Variants in GLS2 observed in about 807,000 individuals in gnomAD.
GLS2 encodes the protein glutaminase 2.
GLS2 carries 52 observed loss-of-function variants against 79.0 expected under a neutral mutation model. The observed-to-expected ratio is 0.66, with a 90% CI of 0.53 to 0.83. The LOEUF (loss-of-function observed/expected upper bound fraction) is 0.83, where lower values mean the gene tolerates loss of function less well. GLS2 is among the 40% of genes least tolerant of loss of function. GLS2 has a pLI of 0.00. For synonymous variants in GLS2, 238 were observed against 280.8 expected (o/e 0.85, Z 1.52); for missense variants, 561 against 764.8 (o/e 0.73, Z 3.14).
chr12:56,472,519 G>GTT, intron 15 of GLS2, 171 bp downstream of exon 15: 1 of 635,536 alleles, frequency 1.6e-6, no homozygotes, highest in South Asian at 2.0e-5. Flanking sequence ...AGAGCAGACA[G>GTT]TTTACTTTTT....
At chr12:56,473,187 C>T (rs1869469534) in intron 14 of GLS2, 41 bp downstream of exon 14, 1 of 1,584,360 alleles carries the variant, frequency 6.3e-7, no homozygotes, top group South Asian at 1.1e-5. Context: ...CCGCACCTGG[C>T]CTTTGAAATA....
intron 16 of GLS2, 121 bp downstream of exon 16, chr12:56,471,998 G>A: frequency 7.7e-7 from 1 of 1,294,304 alleles, no homozygotes; most frequent in Non-Finnish European, 1.1e-6. Flanking sequence ...ACCGAAGGGT[G>A]TCTAGATAAA....
In GLS2 at chr12:56,478,099, G is replaced by A. The variant is rs182943399; in HGVS notation, c.615-3C>T. ...TCTTTGTGTGGCCCACAGAGTGCCTGGAGGCAGACAGATGCCATGAAAGGG... is the reference window on the plus strand; with the variant it reads ...TCTTTGTGTGGCCCACAGAGTGCCTAGAGGCAGACAGATGCCATGAAAGGG... On this transcript the variant is annotated splice_polypyrimidine_tract_variant and splice_region_variant and intron_variant, in intron 5 of 17. Transcript: ENST00000311966. The A allele has an allele frequency of 2.5e-6, 4 of 1,614,040 alleles. No homozygotes were observed. Among genetic ancestry groups the A allele is most frequent in the East Asian group, 4.5e-5 (2 of 44,872 alleles).
At chr12:56,481,150 G>T (rs1870253775) in intron 1 of GLS2, among the ~76,000 whole-genome samples, 1 of 146,782 alleles carries the variant, frequency 6.8e-6, no homozygotes. Context: ...TTTTGAGACA[G>T]AGTTTTGCTC....
intron 1 of GLS2, among the ~76,000 whole-genome samples, chr12:56,481,359 C>T (rs1870280860): frequency 6.6e-6 from 1 of 151,644 alleles, no homozygotes; most frequent in African/African-American, 2.4e-5. Context: ...GTGTGCACCA[C>T]CACGCCTGGC....
intron 11 of GLS2, 58 bp from the exon 12 acceptor site, chr12:56,474,778 G>A: frequency 6.2e-7 from 1 of 1,612,868 alleles, no homozygotes; most frequent in Non-Finnish European, 8.5e-7. Flanking sequence ...GGACCCTCGG[G>A]TGTAGGGAAA....
At chr12:56,479,465 A>G in intron 3 of GLS2, 1 of 390,450 alleles carries the variant, frequency 2.6e-6, no homozygotes. Flanking sequence ...AAAAAATCCT[A>G]AATCATAAAA....
intron 1 of GLS2, chr12:56,487,587 A>G: frequency 2.8e-6 from 1 of 353,714 alleles, no homozygotes; most frequent in Non-Finnish European, 5.2e-6. Flanking sequence ...CTCCTAAAAT[A>G]CACACGAGGA....
chr12:56,479,011 G>C, intron 4 of GLS2, 41 bp downstream of exon 4: 1 of 1,550,156 alleles, frequency 6.5e-7, no homozygotes, highest in Middle Eastern at 2.0e-4. Flanking sequence ...AAAAAATCTG[G>C]CCCAGGTCCC....
chr12:56,487,806 A>C lies in GLS2; in HGVS notation c.182+131T>G, dbSNP rs1870808566. The C allele has an allele frequency of 3.6e-6, 4 of 1,101,692 alleles. No individual in the cohort carries two copies. In the East Asian group the frequency reaches 1.1e-4, roughly 31 times the overall value. 68.2% of individuals were successfully genotyped at this position (1,101,692 alleles called of 1,614,324 possible). The stretch of plus-strand genomic sequence containing the variant: ...CCCAAAGCCCCACATCCAAAGGAAA[A>C]GGCACCGAGGGCTAGTGAGCGAGGA... On this transcript the variant is annotated intron_variant, in intron 1 of 17. Transcript: ENST00000311966.
intron 1 of GLS2, among the ~76,000 whole-genome samples, chr12:56,484,376 T>C (rs1179228836): frequency 6.6e-6 from 1 of 152,228 alleles, no homozygotes; most frequent in Non-Finnish European, 1.5e-5. Flanking sequence ...ATCTTTTGTA[T>C]ATTTTGAATT....
chr12:56,488,029 G>T lies in GLS2; in HGVS notation c.90C>A (p.Pro30=), dbSNP rs1277520436. 3 of 1,595,340 alleles carry T rather than the reference G, an allele frequency of 1.9e-6. No individual in the cohort carries two copies. The highest frequency in any genetic ancestry group is 2.5e-6 in the Non-Finnish European group (3 of 1,177,334). ...GGTGCCGGACGCCCCCGCCAAGGAGGGGGCTCCGGCTCGGGTGACCCCAGC... is the reference window on the plus strand; with the variant it reads ...GGTGCCGGACGCCCCCGCCAAGGAGTGGGCTCCGGCTCGGGTGACCCCAGC... The part of the protein sequence containing the change: ...RGGWGHPSRS[P]LLGGGVRHHL... Residue 30 remains proline, a synonymous_variant, in exon 1 of 18, where the codon CCC becomes CCA. Transcript: ENST00000311966.
At position 56,479,963 on chromosome 12, in the gene GLS2, T is replaced by C. The variant is rs1262733812; in HGVS notation, c.283-62A>G. The C allele has an allele frequency of 2.5e-6, 4 of 1,571,674 alleles. No individual in the cohort carries two copies. In the African/African-American group the frequency reaches 5.4e-5, roughly 21 times the overall value. On this transcript the variant is annotated intron_variant, in intron 2 of 17. Transcript: ENST00000311966. ...AAGGACAGTGATGTACTCCTCATAA[T>C]CTTTCCCACTGGATACCCAATTAGC...
rs569667879 is a variant in GLS2, at chr12:56,478,721, G to A, written c.534+331C>T. Reference sequence around the variant, plus strand: ...TGAGAAGCGAGGTATATCTAGGTGTGGTGGCTCATGCCTGTAATCCCAGCA... The same window carrying A: ...TGAGAAGCGAGGTATATCTAGGTGTAGTGGCTCATGCCTGTAATCCCAGCA... On this transcript the variant is annotated intron_variant, in intron 4 of 17. Transcript: ENST00000311966. 78 of 275,858 alleles carry A rather than the reference G, an allele frequency of 2.8e-4. 3 individuals carry two copies. The highest frequency in any genetic ancestry group is 1.9e-3 in the South Asian group (40 of 20,892). The allele number at this position is 275,858 out of a possible 1,614,324, so 17.1% of individuals were successfully genotyped here.
At chr12:56,478,443 CTT>C in intron 4 of GLS2, 181 bp from the exon 5 acceptor site, 1 of 615,308 alleles carries the variant, frequency 1.6e-6, no homozygotes, top group East Asian at 2.8e-5. Context: ...AAGGCCATAT[CTT>C]TGTGTATCCG....
intron 1 of GLS2, among the ~76,000 whole-genome samples, chr12:56,482,355 C>A (rs770521873): frequency 1.3e-5 from 2 of 152,198 alleles, no homozygotes; most frequent in African/African-American, 2.4e-5. Context: ...AACTGTGAGG[C>A]TTCCTGGCCT....
intron 3 of GLS2, chr12:56,479,462 C>G: frequency 2.6e-6 from 1 of 390,520 alleles, no homozygotes; most frequent in Non-Finnish European, 4.5e-6. Flanking sequence ...TTTAAAAAAT[C>G]CTAAATCATA....
At chr12:56,474,455 C>G (rs1159594330) in intron 12 of GLS2, 89 bp downstream of exon 12, 11 of 1,524,950 alleles carry the variant, frequency 7.2e-6, no homozygotes, top group Non-Finnish European at 9.8e-6. Flanking sequence ...GAGGCAGGAA[C>G]AAGCTTCCAC....
intron 1 of GLS2, chr12:56,487,714 TCC>T: frequency 1.7e-6 from 1 of 576,094 alleles, no homozygotes; most frequent in Admixed American, 3.5e-5. Context: ...ACAGGCGCCA[TCC>T]CCAGGACCCG....
Sources: gnomAD v4.1 joint callset for allele counts (sites outside exome capture counted in the v4.1 genomes callset) on GRCh38, gnomAD v4.1.1 for gene constraint, MANE v1.5 for transcripts, NCBI Gene and HGNC (gene_info 2026-07-23, HGNC 2026-07-21) for gene names.